Variants in PGCKA1 observed in about 807,000 individuals in gnomAD.
PGCKA1 encodes PDCD10 and GCKIII kinases-associated protein 1.
the PGCKA1 span, among the ~76,000 whole-genome samples, chr4:37,501,621 T>C: frequency 2.6e-5 from 4 of 152,334 alleles, no homozygotes; most frequent in African/African-American, 9.6e-5. Context: ...ATATTTAGTA[T>C]TTCCTTCAGG....
chr4:37,533,264 C>T, the PGCKA1 span, among the ~76,000 whole-genome samples: 2 of 151,844 alleles, frequency 1.3e-5, no homozygotes, highest in Admixed American at 1.3e-4. Context: ...GCTAAGAAAA[C>T]ATTAAGGATT....
At chr4:37,557,522 C>T in the PGCKA1 span, among the ~76,000 whole-genome samples, 2 of 152,188 alleles carry the variant, frequency 1.3e-5, no homozygotes, top group South Asian at 2.1e-4. Context: ...AACCATCGTT[C>T]GCTATAACTT....
the PGCKA1 span, among the ~76,000 whole-genome samples, chr4:37,586,174 G>A: frequency 0.93 from 141,219 of 151,946 alleles, 65,884 homozygotes; most frequent in Middle Eastern, 0.98. Context: ...CCATCTACAG[G>A]CCAAGTGACT....
the PGCKA1 span, among the ~76,000 whole-genome samples, chr4:37,567,684 C>T: frequency 6.6e-6 from 1 of 152,152 alleles, no homozygotes. Context: ...CACACACACA[C>T]ACACGACTAT....
At chr4:37,500,466 T>A in the PGCKA1 span, among the ~76,000 whole-genome samples, 3 of 152,228 alleles carry the variant, frequency 2.0e-5, no homozygotes, top group Non-Finnish European at 4.4e-5. Flanking sequence ...AATTTTATTG[T>A]GTTATGGTCT....
chr4:37,509,005 T>C, the PGCKA1 span, among the ~76,000 whole-genome samples: 1 of 151,334 alleles, frequency 6.6e-6, no homozygotes. Context: ...GGTAAGGTTA[T>C]AGATTAACAG....
At chr4:37,519,044 G>A in the PGCKA1 span, among the ~76,000 whole-genome samples, 1 of 152,270 alleles carries the variant, frequency 6.6e-6, no homozygotes, top group South Asian at 2.1e-4. Flanking sequence ...CCCAGTGTAT[G>A]TTCTTGGCAC....
the PGCKA1 span, among the ~76,000 whole-genome samples, chr4:37,580,596 G>T: frequency 6.6e-6 from 1 of 152,172 alleles, no homozygotes; most frequent in Admixed American, 6.5e-5. Context: ...GCAGACTCTT[G>T]TTCCCCAAAC....
At chr4:37,475,735 A>T in the PGCKA1 span, among the ~76,000 whole-genome samples, 1 of 152,124 alleles carries the variant, frequency 6.6e-6, no homozygotes, top group African/African-American at 2.4e-5. Context: ...TGTAAGAATT[A>T]TATATGCAGT....
the PGCKA1 span, among the ~76,000 whole-genome samples, chr4:37,545,398 TTTGGC>T: frequency 6.6e-6 from 1 of 152,206 alleles, no homozygotes; most frequent in Admixed American, 6.5e-5. Flanking sequence ...ACCTGCATTC[TTTGGC>T]TGAGACGGAA....
chr4:37,540,889 T>C, the PGCKA1 span, among the ~76,000 whole-genome samples: 533 of 152,006 alleles, frequency 3.5e-3, 1 homozygote, highest in Non-Finnish European at 5.7e-3. Flanking sequence ...CAACCAGTGT[T>C]AGAGCCAACT....
chr4:37,558,599 C>A, the PGCKA1 span, among the ~76,000 whole-genome samples: 1 of 151,732 alleles, frequency 6.6e-6, no homozygotes, highest in Admixed American at 6.6e-5. Flanking sequence ...CAAATGGGAT[C>A]TAATTAAACT....
At chr4:37,511,040 C>G in the PGCKA1 span, among the ~76,000 whole-genome samples, 1 of 151,872 alleles carries the variant, frequency 6.6e-6, no homozygotes, top group Non-Finnish European at 1.5e-5. Context: ...CAGTTAAGGC[C>G]AAAGGGCTCT....
the PGCKA1 span, among the ~76,000 whole-genome samples, chr4:37,546,293 C>T: frequency 2.3e-3 from 352 of 152,274 alleles, 1 homozygote; most frequent in African/African-American, 7.5e-3. Flanking sequence ...GGCAGCCTGG[C>T]GCCAGGCCTA....
chr4:37,519,194 G>A, the PGCKA1 span, among the ~76,000 whole-genome samples: 1 of 152,076 alleles, frequency 6.6e-6, no homozygotes, highest in African/African-American at 2.4e-5. Flanking sequence ...TGAAGACAGG[G>A]AATATGATTT....
chr4:37,569,106 G>A, the PGCKA1 span, among the ~76,000 whole-genome samples: 1 of 151,112 alleles, frequency 6.6e-6, no homozygotes, highest in Non-Finnish European at 1.5e-5. Context: ...CAAAAAAAAA[G>A]GGGGGGAGAG....
At chr4:37,512,498 C>G in the PGCKA1 span, among the ~76,000 whole-genome samples, 1 of 145,964 alleles carries the variant, frequency 6.9e-6, no homozygotes, top group Non-Finnish European at 1.5e-5. Context: ...TCTGGTGTCG[C>G]CAGCCTGGAG....
At chr4:37,584,164 T>A in the PGCKA1 span, 1 of 152,344 alleles carries the variant, frequency 6.6e-6, no homozygotes, top group South Asian at 2.1e-4. Flanking sequence ...TAAGGAAGAA[T>A]AATTGTAGAC....
chr4:37,509,901 G>C, the PGCKA1 span, among the ~76,000 whole-genome samples: 1 of 149,998 alleles, frequency 6.7e-6, no homozygotes, highest in Non-Finnish European at 1.5e-5. Context: ...GCAGTGAGCC[G>C]AGATGGTGGC....
Sources: gnomAD v4.1 joint callset for allele counts (sites outside exome capture counted in the v4.1 genomes callset) on GRCh38, gnomAD v4.1.1 for gene constraint, MANE v1.5 for transcripts, NCBI Gene and HGNC (gene_info 2026-07-23, HGNC 2026-07-21) for gene names.